Variants in IL22RA2 observed in about 807,000 individuals in gnomAD.
IL22RA2 encodes interleukin-22 receptor subunit alpha-2.
Under a neutral mutation model 30.7 loss-of-function variants are expected in IL22RA2, and 39 were observed. The observed-to-expected ratio is 1.27, with a 90% CI of 0.98 to 1.66. IL22RA2 has a LOEUF of 1.66. Among genes scored for constraint, IL22RA2 ranks in the 40% most tolerant of loss-of-function variants. The pLI is 0.00. For missense variants in IL22RA2, 315 were observed against 312.7 expected, an observed-to-expected ratio of 1.01 and a Z score of -0.05; for synonymous variants, 103 against 105.0, an observed-to-expected ratio of 0.98 and a Z score of 0.11.
At chr6:137,160,902 C>T (rs570696580) in intron 2 of IL22RA2, among the ~76,000 whole-genome samples, 1 of 152,230 alleles carries the variant, frequency 6.6e-6, no homozygotes, top group Non-Finnish European at 1.5e-5. Flanking sequence ...CCAAACACTT[C>T]TGGAAGATGA....
At chr6:137,146,429 A>G (rs567410707) in intron 6 of IL22RA2, among the ~76,000 whole-genome samples, 164 of 152,272 alleles carry the variant, frequency 1.1e-3, no homozygotes, top group Non-Finnish European at 2.0e-3. Flanking sequence ...AGAGACAGAA[A>G]GTCTGAGAGA....
intron 1 of IL22RA2, among the ~76,000 whole-genome samples, chr6:137,167,904 A>C (rs1403351644): frequency 6.6e-6 from 1 of 152,234 alleles, no homozygotes; most frequent in Non-Finnish European, 1.5e-5. Context: ...TAGTCTATGC[A>C]TGGCTGAAGC....
At chr6:137,156,356 G>A (rs13190908) in intron 4 of IL22RA2, among the ~76,000 whole-genome samples, 2,059 of 152,180 alleles carry the variant, frequency 0.014, 51 homozygotes, top group African/African-American at 0.046. Context: ...GAAGATAGAC[G>A]GTATCTATAC....
intron 2 of IL22RA2, 150 bp from the exon 3 acceptor site, chr6:137,158,632 T>A: frequency 1.4e-6 from 1 of 736,170 alleles, no homozygotes; most frequent in Non-Finnish European, 2.2e-6. Context: ...AATCAACATT[T>A]TGAATCTTCA....
At chr6:137,163,611 C>A (rs1206178356) in intron 1 of IL22RA2, among the ~76,000 whole-genome samples, 1 of 152,186 alleles carries the variant, frequency 6.6e-6, no homozygotes, top group Non-Finnish European at 1.5e-5. Flanking sequence ...AAGGTTTGGG[C>A]CCTAAGGCAA....
chr6:137,148,403 C>T lies in IL22RA2; in HGVS notation c.473-512G>A, dbSNP rs549538200. Among the ~76,000 whole-genome samples, 49 of 152,212 alleles carry T rather than the reference C, an allele frequency of 3.2e-4. 1 individual carries two copies. The South Asian group carries it at 9.8e-3, about 30-fold the overall frequency. On this transcript the variant is annotated intron_variant, in intron 5 of 6. Transcript: ENST00000296980. ...GTCTGACTTTTTATTGACAGTGTAG[C>T]CCTTGGAGGTTCTAAGACTTTTGTA...
chr6:137,164,388 C>T (rs910988815), intron 1 of IL22RA2, among the ~76,000 whole-genome samples: 1 of 152,188 alleles, frequency 6.6e-6, no homozygotes, highest in Non-Finnish European at 1.5e-5. Flanking sequence ...CCCTAAGTGG[C>T]TGCAGGCCTA....
At chr6:137,165,213 A>G (rs1048438070) in intron 1 of IL22RA2, among the ~76,000 whole-genome samples, 1 of 152,228 alleles carries the variant, frequency 6.6e-6, no homozygotes, top group African/African-American at 2.4e-5. Flanking sequence ...AATATCGGAA[A>G]GGTCTCAGAG....
chr6:137,159,525 G>A (rs181628753), intron 2 of IL22RA2, among the ~76,000 whole-genome samples: 114 of 152,284 alleles, frequency 7.5e-4, no homozygotes, highest in African/African-American at 2.7e-3. Context: ...GTTTTGCCAT[G>A]TTGGGCAGGC....
intron 1 of IL22RA2, among the ~76,000 whole-genome samples, chr6:137,165,094 T>A (rs933874454): frequency 6.6e-6 from 1 of 152,180 alleles, no homozygotes; most frequent in Non-Finnish European, 1.5e-5. Context: ...GCACTCCTGA[T>A]AGAGGCTGAC....
At position 137,145,567 on chromosome 6, in the gene IL22RA2, A is replaced by G; in HGVS notation, c.*57T>C. The G allele has an allele frequency of 6.6e-7, 1 of 1,508,940 alleles. No individual in the cohort carries two copies. Among genetic ancestry groups the G allele is most frequent in the Non-Finnish European group, 9.0e-7 (1 of 1,108,770 alleles). 93.5% of individuals were successfully genotyped at this position (1,508,940 alleles called of 1,614,324 possible). ...AAATAAGATCCTTCAAACACGAGTC[A>G]TCCTGTTCTCAGGGAGCTTTAGAAT... On this transcript the variant is annotated 3_prime_UTR_variant, in exon 7 of 7. Coordinates refer to ENST00000296980, the MANE Select transcript of IL22RA2 (RefSeq NM_052962.3).
At chr6:137,161,665 A>G (rs1398738585) in intron 2 of IL22RA2, 24 bp downstream of exon 2, 1 of 1,594,802 alleles carries the variant, frequency 6.3e-7, no homozygotes, top group South Asian at 1.1e-5. Flanking sequence ...GCTATGAGCA[A>G]TTAAAAAGAA....
intron 5 of IL22RA2, among the ~76,000 whole-genome samples, chr6:137,149,628 A>G (rs141673134): frequency 6.6e-6 from 1 of 152,298 alleles, no homozygotes; most frequent in African/African-American, 2.4e-5. Flanking sequence ...CTGCTACTTC[A>G]CTTATCTGCA....
chr6:137,162,142 C>T (rs1778533060), intron 1 of IL22RA2, among the ~76,000 whole-genome samples: 1 of 152,072 alleles, frequency 6.6e-6, no homozygotes, highest in Non-Finnish European at 1.5e-5. Flanking sequence ...GGGAATCTGG[C>T]CCCAGGAGGC....
chr6:137,154,794 A>C, intron 5 of IL22RA2, 147 bp downstream of exon 5: 1 of 633,882 alleles, frequency 1.6e-6, no homozygotes, highest in South Asian at 1.9e-5. Context: ...AATAAAAGCT[A>C]TCTCCTAGAG....
chr6:137,166,045 T>G (rs1778619765), intron 1 of IL22RA2, among the ~76,000 whole-genome samples: 1 of 152,214 alleles, frequency 6.6e-6, no homozygotes, highest in Admixed American at 6.5e-5. Flanking sequence ...GGTATCACTG[T>G]TGTGTGGAAA....
intron 1 of IL22RA2, among the ~76,000 whole-genome samples, chr6:137,170,487 A>G (rs564464423): frequency 6.6e-6 from 1 of 152,330 alleles, no homozygotes; most frequent in African/African-American, 2.4e-5. Flanking sequence ...CAGGGTCACA[A>G]GACTGATAAG....
chr6:137,159,396 C>T (rs1275428826), intron 2 of IL22RA2, among the ~76,000 whole-genome samples: 1 of 152,098 alleles, frequency 6.6e-6, no homozygotes, highest in African/African-American at 2.4e-5. Context: ...TCTCAGCTCA[C>T]TGCAACCTCT....
chr6:137,153,969 A>C (rs1346196476), intron 5 of IL22RA2, among the ~76,000 whole-genome samples: 2 of 152,088 alleles, frequency 1.3e-5, no homozygotes, highest in African/African-American at 4.8e-5. Flanking sequence ...AATTATGAGG[A>C]CTGTGGTAAA....
Sources: gnomAD v4.1 joint callset for allele counts (sites outside exome capture counted in the v4.1 genomes callset) on GRCh38, gnomAD v4.1.1 for gene constraint, MANE v1.5 for transcripts, NCBI Gene and HGNC (gene_info 2026-07-23, HGNC 2026-07-21) for gene names.